The following NOTCH3 variants were observed in gnomAD, a reference collection of about 807,000 sequenced individuals.
NOTCH3 encodes the protein notch receptor 3.
Under a neutral mutation model 213.3 loss-of-function variants are expected in NOTCH3, and 86 were observed. That is an observed-to-expected ratio of 0.40 (90% CI 0.34 to 0.48). NOTCH3 has a LOEUF of 0.48. Ranked by LOEUF, NOTCH3 falls within the 20% of genes least tolerant of loss-of-function variation. The probability of loss-of-function intolerance (pLI) is 0.57; values close to 1 mark genes in which losing one functional copy is unlikely to be tolerated. For synonymous variants in NOTCH3, 1,354 were observed against 1,355.9 expected (o/e 1.00, Z 0.03); for missense variants, 2,783 against 3,272.6 (o/e 0.85, Z 3.65).
At chr19:15,192,687 G>A (rs2046939818) in intron 2 of NOTCH3, among the ~76,000 whole-genome samples, 168 bp from the exon 3 acceptor site, 1 of 152,220 alleles carries the variant, frequency 6.6e-6, no homozygotes, top group Non-Finnish European at 1.5e-5. Flanking sequence ...GGCTGCGGCG[G>A]GCAGATCACT....
intron 1 of NOTCH3, among the ~76,000 whole-genome samples, chr19:15,199,492 G>A (rs530609813): frequency 6.6e-6 from 1 of 152,274 alleles, no homozygotes; most frequent in Admixed American, 6.5e-5. Flanking sequence ...TCTATGTGCT[G>A]TCTGAGTGTG....
Position 15,184,402 on chromosome 19 carries a change from C to T in NOTCH3, c.2459G>A (p.Cys820Tyr), listed in dbSNP as rs2145427774. The part of the protein sequence containing the change: ...DVDECAGPAP[C>Y]GPHGICTNLA... ...GTTGGTGCAGATACCATGAGGGCCA[C>T]AGGGTGCGGGGCCAGCACACTCGTC... Residue 820 changes from cysteine (C) to tyrosine (Y), a missense_variant, in exon 16 of 33, where the codon TGT becomes TAT. By Grantham distance (194) the Cys-to-Tyr change is radical. Around this residue, in one of 6 missense-constraint regions of NOTCH3, gnomAD observed 861 missense variants for 909.1 expected, o/e 0.95. Coordinates refer to ENST00000263388, the MANE Select transcript of NOTCH3 (RefSeq NM_000435.3). 1 of 1,613,938 alleles carries T rather than the reference C, an allele frequency of 6.2e-7. No homozygotes were observed. Among genetic ancestry groups the T allele is most frequent in the Non-Finnish European group, 8.5e-7 (1 of 1,179,948 alleles).
chr19:15,174,646 T>C (rs1258785456), intron 24 of NOTCH3, among the ~76,000 whole-genome samples: 2 of 151,738 alleles, frequency 1.3e-5, no homozygotes, highest in Non-Finnish European at 2.9e-5. Context: ...ATCTCTCAGC[T>C]CACTGCAGCC....
At chr19:15,173,654 A>T (rs2145407405) in intron 25 of NOTCH3, among the ~76,000 whole-genome samples, 1 of 149,452 alleles carries the variant, frequency 6.7e-6, no homozygotes, top group East Asian at 2.1e-4. Context: ...GCTTGAACCC[A>T]GGAGGCAGAG....
At position 15,161,515 on chromosome 19, in the gene NOTCH3, C is replaced by G. The variant is rs545621067; in HGVS notation, c.6113G>C (p.Gly2038Ala). Residue 2038 changes from glycine (G) to alanine (A), a missense_variant, in exon 33 of 33, where the codon GGC becomes GCC. Physicochemically the swap from Gly to Ala is moderately conservative, Grantham distance 60 (BLOSUM62 0). Around this residue, in one of 6 missense-constraint regions of NOTCH3, gnomAD observed 441 missense variants for 432.1 expected, o/e 1.02. Coordinates refer to ENST00000263388, the MANE Select transcript of NOTCH3 (RefSeq NM_000435.3). ...SGPRSPPGPH[G>A]LGPLLCPPGA... is the part of the protein sequence containing the mutation. ...TGGAGGACAGAGCAGAGGCCCCAGG[C>G]CGTGGGGACCGGGGGGGCTGCGGGG... is the stretch of plus-strand genomic sequence containing the variant. The G allele has an allele frequency of 2.5e-6, 4 of 1,595,068 alleles. No individual in the cohort carries two copies. The African/African-American group carries it at 5.4e-5, about 21-fold the overall frequency.
At chr19:15,187,082 T>C (rs1309645572) in intron 11 of NOTCH3, 23 bp downstream of exon 11, 1 of 1,610,176 alleles carries the variant, frequency 6.2e-7, no homozygotes, top group East Asian at 2.2e-5. Flanking sequence ...GTGTGCTGTT[T>C]CTGCCCCAGC....
chr19:15,162,118 A>G (rs1321855911), intron 32 of NOTCH3, among the ~76,000 whole-genome samples: 1 of 150,344 alleles, frequency 6.7e-6, no homozygotes, highest in East Asian at 2.0e-4. Flanking sequence ...AGCAGCTGGG[A>G]CTACAGGTGT....
Position 15,165,987 on chromosome 19 carries a change from C to G in NOTCH3, c.5467G>C (p.Asp1823His). 2 of 1,614,184 alleles carry G rather than the reference C, an allele frequency of 1.2e-6. No homozygotes were observed. The highest frequency in any genetic ancestry group is 8.5e-7 in the Non-Finnish European group (1 of 1,180,038). ...AGCTGAGCCCCCTGGCAGATCAGGT[C>G]GGAGATGATGCTAGCTGATGTGTCA... ...ADDTSASIISDLICQGAQLGA... is the reference protein window; with the variant it reads ...ADDTSASIISHLICQGAQLGA... Residue 1823 changes from aspartate to histidine, a missense_variant, in exon 30 of 33, where the codon GAC becomes CAC. By Grantham distance (81) the Asp-to-His change is moderately conservative (BLOSUM62 -1). Around this residue, in one of 6 missense-constraint regions of NOTCH3, gnomAD observed 636 missense variants for 801.8 expected, o/e 0.79. Transcript: ENST00000263388. The surrounding 1 kb of genome is among the most constrained non-coding windows in gnomAD (Gnocchi z 4.7).
chr19:15,159,579 T>C lies in NOTCH3; in HGVS notation c.*1083A>G, dbSNP rs976264990. The C allele has an allele frequency of 1.8e-5, 4 of 220,310 alleles. No homozygotes were observed. The highest frequency in any genetic ancestry group is 6.7e-5 in the African/African-American group (3 of 44,630). 13.6% of individuals were successfully genotyped at this position (220,310 alleles called of 1,614,324 possible). A position where few individuals can be genotyped will look rare whatever the true frequency, so the allele number is the denominator to read the frequency against. On this transcript the variant is annotated 3_prime_UTR_variant, in exon 33 of 33. Transcript: ENST00000263388. ...TCAAGTTAGCCCTGGGTGGGGGAGA[T>C]AGAAGTCCCACTGCCACCACTCCCC...
At chr19:15,199,585 G>C (rs1046478640) in intron 1 of NOTCH3, among the ~76,000 whole-genome samples, 2 of 152,182 alleles carry the variant, frequency 1.3e-5, no homozygotes, top group Non-Finnish European at 2.9e-5. Context: ...GCGTGCAGCT[G>C]GGTGTGTCTT....
chr19:15,177,678 C>T lies in NOTCH3; in HGVS notation c.4250G>A (p.Cys1417Tyr), dbSNP rs2145414678. 6.5e-7 allele frequency: 1 copy of T among 1,542,828 alleles called. No individual in the cohort carries two copies. The highest frequency in any genetic ancestry group is 8.7e-7 in the Non-Finnish European group (1 of 1,151,752). The change falls in exon 24 of 33, where the codon TGC becomes TAC. Residue 1417 changes from cysteine (C) to tyrosine (Y), a missense_variant. Around this residue, in one of 6 missense-constraint regions of NOTCH3, gnomAD observed 133 missense variants for 201.9 expected, o/e 0.66. Transcript: ENST00000263388. ...CCAGGGGTCGCCCACGCTCAGCGAG[C>T]AGTCGCCGCCGTCCCAGCCGCAGCC... ...SPGCGWDGGD[C>Y]SLSVGDPWRQ...
In NOTCH3 at chr19:15,165,720, G is replaced by A; in HGVS notation, c.5667+67C>T. 1.0e-5 allele frequency: 16 copies of A among 1,563,584 alleles called. No individual in the cohort carries two copies. Among genetic ancestry groups the A allele is most frequent in the Non-Finnish European group, 1.4e-5 (16 of 1,148,476 alleles). On this transcript the variant is annotated intron_variant, in intron 30 of 32. Transcript: ENST00000263388. The surrounding 1 kb of genome is among the most constrained non-coding windows in gnomAD (Gnocchi z 4.7). ...AAAATGAGTCTGAAAGGCAGAACTGGGGCTCAAACCCAGGTAAGTCTAATG... is the reference window on the plus strand; with the variant it reads ...AAAATGAGTCTGAAAGGCAGAACTGAGGCTCAAACCCAGGTAAGTCTAATG...
chr19:15,180,012 G>T (rs1470595004), intron 20 of NOTCH3, 60 bp downstream of exon 20: 7 of 1,199,436 alleles, frequency 5.8e-6, no homozygotes, highest in African/African-American at 3.0e-5. Flanking sequence ...AGAAATGTGT[G>T]CCCAGACGCA....
chr19:15,160,872 AGGGGATTCG>A lies in NOTCH3; in HGVS notation c.6747_6755del (p.Ser2251_Glu2253del). The A allele has an allele frequency of 6.2e-7, 1 of 1,613,726 alleles. No individual in the cohort carries two copies. The highest frequency in any genetic ancestry group is 8.5e-7 in the Non-Finnish European group (1 of 1,179,754). On this transcript the variant is annotated inframe_deletion, in exon 33 of 33. Transcript: ENST00000263388. Reference sequence around the variant, plus strand: ...GAGGTGAGGGGCTGGCCCAGTGCTCAGGGGATTCGGGGGATGGGGTCAGGTAAGGGTGCT... The same window carrying A: ...GAGGTGAGGGGCTGGCCCAGTGCTCAGGGGATGGGGTCAGGTAAGGGTGCT...
intron 2 of NOTCH3, 58 bp downstream of exon 2, chr19:15,197,442 C>CGGGGG: frequency 4.8e-6 from 3 of 620,834 alleles, no homozygotes; most frequent in Non-Finnish European, 6.1e-6. Flanking sequence ...AGACAAATCG[C>CGGGGG]CCCTCCCCCC....
Position 15,165,829 on chromosome 19 carries a change from G to C in NOTCH3, c.5625C>G (p.Pro1875=), listed in dbSNP as rs200103009. The C allele has an allele frequency of 6.2e-7, 1 of 1,613,808 alleles. No individual in the cohort carries two copies. Among genetic ancestry groups the C allele is most frequent in the Admixed American group, 1.7e-5 (1 of 60,022 alleles). The change falls in exon 30 of 33, where the codon CCC becomes CCG. Residue 1875 remains proline, a synonymous_variant. Transcript: ENST00000263388. This position sits in a 1 kb window ranked among gnomAD's most constrained non-coding sequence, Gnocchi z 4.7. The part of the protein sequence containing the change: ...TNAQDHSGRT[P]LHTAVTADAQ... ...CATCGGCTGTGACAGCTGTGTGCAGGGGAGTGCGGCCTGAGTGGTCCTGGG... is the reference window on the plus strand; with the variant it reads ...CATCGGCTGTGACAGCTGTGTGCAGCGGAGTGCGGCCTGAGTGGTCCTGGG...
rs1291782038 is a variant in NOTCH3, at chr19:15,177,728, G to A, written c.4200C>T (p.Arg1400=). Residue 1400 remains arginine, a synonymous_variant, in exon 24 of 33, where the codon CGC becomes CGT. Coordinates refer to ENST00000263388, the MANE Select transcript of NOTCH3 (RefSeq NM_000435.3). ...CTGGGCTGTTGCACTCGCGGTCGCA[G>A]CGCTGGTCCCCGCGCTTGGCCTGGC... The part of the protein sequence containing the change: ...AACQAKRGDQ[R]CDRECNSPGC... The A allele has an allele frequency of 3.3e-6, 5 of 1,511,996 alleles. No homozygotes were observed. The Admixed American group carries it at 8.2e-5, about 25-fold the overall frequency. The allele number at this position is 1,511,996 out of a possible 1,614,324, so 93.7% of individuals were successfully genotyped here.
At position 15,184,585 on chromosome 19, in the gene NOTCH3, C is replaced by A; in HGVS notation, c.2411-135G>T. 6 of 838,950 alleles carry A rather than the reference C, an allele frequency of 7.2e-6. No homozygotes were observed. The South Asian group carries it at 9.6e-5, about 13-fold the overall frequency. The allele number at this position is 838,950 out of a possible 1,614,324, so 52.0% of individuals were successfully genotyped here. On this transcript the variant is annotated intron_variant, in intron 15 of 32. Transcript: ENST00000263388. Reference sequence around the variant, plus strand: ...AGCCGTGCTGTCATTCGTGTCTGGGCATTTTGCATATGCAGTTTCAGAATG... The same window carrying A: ...AGCCGTGCTGTCATTCGTGTCTGGGAATTTTGCATATGCAGTTTCAGAATG...
intron 2 of NOTCH3, among the ~76,000 whole-genome samples, chr19:15,193,232 C>G (rs2046943789): frequency 6.6e-6 from 1 of 151,524 alleles, no homozygotes; most frequent in South Asian, 2.1e-4. Context: ...TGGCTCTTTG[C>G]AGATGTAATT....
Sources: allele counts gnomAD v4.1 joint callset (sites outside exome capture counted in the v4.1 genomes callset), GRCh38; gene constraint gnomAD v4.1.1; regional missense constraint gnomAD v4.1.1; non-coding constraint Gnocchi (gnomAD v3.1); transcripts MANE v1.5; gene names NCBI Gene and HGNC (gene_info 2026-07-23, HGNC 2026-07-21).